The following OVOL1 variants were observed in gnomAD, a reference collection of about 807,000 sequenced individuals.
OVOL1 encodes ovo like transcriptional repressor 1.
OVOL1 carries 10 observed loss-of-function variants against 21.5 expected under a neutral mutation model. The observed-to-expected ratio is 0.46, with a 90% CI of 0.29 to 0.79. The LOEUF is 0.79. OVOL1 is among the 30% of genes least tolerant of loss of function. The probability of loss-of-function intolerance (pLI) is 0.10; values close to 1 mark genes in which losing one functional copy is unlikely to be tolerated. For synonymous variants in OVOL1, 129 were observed against 150.3 expected (o/e 0.86, Z 1.03); for missense variants, 279 against 362.3 (o/e 0.77, Z 1.87).
At chr11:65,788,555 A>T (rs1191208449) in intron 1 of OVOL1, 1 of 985,230 alleles carries the variant, frequency 1.0e-6, no homozygotes, top group African/African-American at 1.7e-5. Flanking sequence ...GCCTTGTAGG[A>T]AAGTGGGGAA....
chr11:65,788,357 C>T lies in OVOL1; in HGVS notation c.100+884C>T, dbSNP rs976144516. On this transcript the variant is annotated intron_variant, in intron 1 of 3. Coordinates refer to ENST00000335987, the MANE Select transcript of OVOL1 (RefSeq NM_004561.4). ...AGAACACTCCTACCCCTTCTGTCCT[C>T]CCCCACCCCCAACAAAGTCTTTGGT... 2.6e-4 allele frequency: 139 copies of T among 524,706 alleles called. 1 individual carries two copies. The highest frequency in any genetic ancestry group is 3.4e-4 in the Non-Finnish European group (139 of 408,396). The allele number at this position is 524,706 out of a possible 1,614,324, so 32.5% of individuals were successfully genotyped here. A position where few individuals can be genotyped will look rare whatever the true frequency, so the allele number is the denominator to read the frequency against.
At position 65,790,393 on chromosome 11, in the gene OVOL1, C is replaced by G. The variant is rs1857990873; in HGVS notation, c.100+2920C>G. ...GGCCACAGTCTGCTCTGCCACTCGC[C>G]TGGTGGACACTCGAGCTCAGGGAGG... On this transcript the variant is annotated intron_variant, in intron 1 of 3. Coordinates refer to ENST00000335987, the MANE Select transcript of OVOL1 (RefSeq NM_004561.4). 2.6e-5 allele frequency: 4 copies of G among 152,326 alleles called. No individual in the cohort carries two copies. In the South Asian group the frequency reaches 8.3e-4, roughly 32 times the overall value. The allele number at this position is 152,326 out of a possible 1,614,324, so 9.4% of individuals were successfully genotyped here. A position where few individuals can be genotyped will look rare whatever the true frequency, so the allele number is the denominator to read the frequency against.
chr11:65,793,190 C>T (rs368005370), intron 1 of OVOL1, among the ~76,000 whole-genome samples: 1 of 152,240 alleles, frequency 6.6e-6, no homozygotes, highest in South Asian at 2.1e-4. Flanking sequence ...CTGGTCCTCT[C>T]TAGTCAGCAC....
chr11:65,789,073 C>G, intron 1 of OVOL1: 1 of 985,330 alleles, frequency 1.0e-6, no homozygotes, highest in Non-Finnish European at 1.2e-6. Flanking sequence ...GAGCCCTGAG[C>G]CAGGCTCAGT....
rs1858117505 is a variant in OVOL1 at position 65,795,624 on chromosome 11, A to G, written c.*283A>G. The G allele has an allele frequency of 1.9e-6, 1 of 519,260 alleles. No individual in the cohort carries two copies. Among genetic ancestry groups the G allele is most frequent in the South Asian group, 2.4e-5 (1 of 42,444 alleles). The allele number at this position is 519,260 out of a possible 1,614,324, so 32.2% of individuals were successfully genotyped here. A position where few individuals can be genotyped will look rare whatever the true frequency, so the allele number is the denominator to read the frequency against. ...GATGAGGCCAAGGCTGCCTTCAATT[A>G]GAAGCAGCCGCCCACAGAGACAGGC... On this transcript the variant is annotated 3_prime_UTR_variant, in exon 4 of 4. Coordinates refer to ENST00000335987, the MANE Select transcript of OVOL1 (RefSeq NM_004561.4). The surrounding 1 kb of genome is among the most constrained non-coding windows in gnomAD (Gnocchi z 5.7).
In OVOL1 at chr11:65,796,731, T is replaced by TA. The variant is rs1326415377; in HGVS notation, c.*1393dup. The stretch of plus-strand genomic sequence containing the variant: ...GCAGCTGGGAAAGGGGTTCTGGGTG[T>TA]AAAGAGGTGTGCGTCTTGTGGGCCA... On this transcript the variant is annotated 3_prime_UTR_variant, in exon 4 of 4. Transcript: ENST00000335987. 1 of 152,154 alleles carries TA rather than the reference T, an allele frequency of 6.6e-6. No individual in the cohort carries two copies. Among genetic ancestry groups the TA allele is most frequent in the African/African-American group, 2.4e-5 (1 of 41,374 alleles). The allele number at this position is 152,154 out of a possible 1,614,324, so 9.4% of individuals were successfully genotyped here. A position where few individuals can be genotyped will look rare whatever the true frequency, so the allele number is the denominator to read the frequency against.
rs1188936513 is a variant in OVOL1 at position 65,787,245 on chromosome 11, TG to T, written c.-124del. 1.7e-5 allele frequency: 12 copies of T among 687,570 alleles called. No homozygotes were observed. Among genetic ancestry groups the T allele is most frequent in the Non-Finnish European group, 2.7e-5 (11 of 402,598 alleles). 42.6% of individuals were successfully genotyped at this position (687,570 alleles called of 1,614,324 possible). A position where few individuals can be genotyped will look rare whatever the true frequency, so the allele number is the denominator to read the frequency against. The stretch of plus-strand genomic sequence containing the variant: ...CCGGGCTCGGACCTTCCCCGGAACG[TG>T]GGGGCGCCTTAGCGACTCCTTCCCT... On this transcript the variant is annotated 5_prime_UTR_variant, in exon 1 of 4. Coordinates refer to ENST00000335987, the MANE Select transcript of OVOL1 (RefSeq NM_004561.4).
intron 1 of OVOL1, chr11:65,788,470 C>T: frequency 1.0e-6 from 1 of 984,780 alleles, no homozygotes; most frequent in Non-Finnish European, 1.2e-6. Context: ...CCCAGCCCCT[C>T]CGAGGGGGGA....
chr11:65,789,807 C>T, intron 1 of OVOL1: 1 of 624,534 alleles, frequency 1.6e-6, no homozygotes, highest in Non-Finnish European at 2.0e-6. Context: ...CAAAGCCTCC[C>T]AGAAGGTTTT....
In OVOL1 at chr11:65,794,024, T is replaced by C. The variant is rs1858075238; in HGVS notation, c.101-7T>C. On this transcript the variant is annotated splice_polypyrimidine_tract_variant and splice_region_variant and intron_variant, in intron 1 of 3. Transcript: ENST00000335987. ...CCAAGCCTCTCACCTGTCTGTTCTC[T>C]CCCCAGTCAGCCTGGGCTTCTGCCC... is the stretch of plus-strand genomic sequence containing the variant. 4 of 1,611,928 alleles carry C rather than the reference T, an allele frequency of 2.5e-6. No homozygotes were observed. The highest frequency in any genetic ancestry group is 2.5e-6 in the Non-Finnish European group (3 of 1,178,542).
At position 65,787,419 on chromosome 11, in the gene OVOL1, A is replaced by G. The variant is rs773734519; in HGVS notation, c.46A>G (p.Lys16Glu). The change falls in exon 1 of 4, where the codon AAG becomes GAG. Residue 16 changes from lysine (K) to glutamate (E), a missense_variant. By Grantham distance (56) the Lys-to-Glu change is moderately conservative (BLOSUM62 1). Transcript: ENST00000335987. ...LVKKPCVSTC[K>E]RNWSELPDEE... ...GAAGAAGCCGTGCGTCTCCACGTGC[A>G]AGAGGAACTGGAGCGAGCTCCCCGA... 1 of 1,597,420 alleles carries G rather than the reference A, an allele frequency of 6.3e-7. No homozygotes were observed. Among genetic ancestry groups the G allele is most frequent in the East Asian group, 2.3e-5 (1 of 43,698 alleles).
In OVOL1 at chr11:65,795,844, T is replaced by C. The variant is rs1858121291; in HGVS notation, c.*503T>C. The C allele has an allele frequency of 5.2e-6, 1 of 192,256 alleles. No homozygotes were observed. The highest frequency in any genetic ancestry group is 1.1e-5 in the Non-Finnish European group (1 of 91,044). 11.9% of individuals were successfully genotyped at this position (192,256 alleles called of 1,614,324 possible). A position where few individuals can be genotyped will look rare whatever the true frequency, so the allele number is the denominator to read the frequency against. On this transcript the variant is annotated 3_prime_UTR_variant, in exon 4 of 4. Transcript: ENST00000335987. This position sits in a 1 kb window ranked among gnomAD's most constrained non-coding sequence, Gnocchi z 5.7. ...ACCCCCCACCTGGCAGGGCTTCTAA[T>C]GCTCAGGGTTCTGGAGGGCTCTGTC... is the stretch of plus-strand genomic sequence containing the variant.
At position 65,787,221 on chromosome 11, in the gene OVOL1, C is replaced by A; in HGVS notation, c.-153C>A. 2 of 536,168 alleles carry A rather than the reference C, an allele frequency of 3.7e-6. No homozygotes were observed. The highest frequency in any genetic ancestry group is 6.8e-6 in the Non-Finnish European group (2 of 293,370). 33.2% of individuals were successfully genotyped at this position (536,168 alleles called of 1,614,324 possible). A position where few individuals can be genotyped will look rare whatever the true frequency, so the allele number is the denominator to read the frequency against. On this transcript the variant is annotated 5_prime_UTR_variant, in exon 1 of 4. Coordinates refer to ENST00000335987, the MANE Select transcript of OVOL1 (RefSeq NM_004561.4). ...GGAGGTGGAACCGCCGCGCGCCGTC[C>A]GGGCTCGGACCTTCCCCGGAACGTG...
chr11:65,795,726 A>C lies in OVOL1; in HGVS notation c.*385A>C. Reference sequence around the variant, plus strand: ...TCCCACTGCCCCCGCCTCTCAGCACAGGGCAGGGGCTGCAGGTCCCCAGTG... The same window carrying C: ...TCCCACTGCCCCCGCCTCTCAGCACCGGGCAGGGGCTGCAGGTCCCCAGTG... On this transcript the variant is annotated 3_prime_UTR_variant, in exon 4 of 4. Coordinates refer to ENST00000335987, the MANE Select transcript of OVOL1 (RefSeq NM_004561.4). This position sits in a 1 kb window ranked among gnomAD's most constrained non-coding sequence, Gnocchi z 5.7. 1 of 285,494 alleles carries C rather than the reference A, an allele frequency of 3.5e-6. No homozygotes were observed. 17.7% of individuals were successfully genotyped at this position (285,494 alleles called of 1,614,324 possible).
rs914469438 is a variant in OVOL1 at position 65,794,639 on chromosome 11, C to T, written c.420C>T (p.His140=). ...TGCTGAACCGCCACATGAAGTGTCA[C>T]AACGACGTCAAGAGGCACCTCTGCA... ...QRMLNRHMKC[H]NDVKRHLCTY... is the part of the protein sequence containing the mutation. Residue 140 remains histidine (H), a synonymous_variant, in exon 3 of 4, where the codon CAC becomes CAT. Transcript: ENST00000335987. 8 of 1,613,802 alleles carry T rather than the reference C, an allele frequency of 5.0e-6. No individual in the cohort carries two copies. The highest frequency in any genetic ancestry group is 6.8e-6 in the Non-Finnish European group (8 of 1,180,020).
At position 65,795,094 on chromosome 11, in the gene OVOL1, G is replaced by A. The variant is rs899307004; in HGVS notation, c.557G>A (p.Arg186His). The change falls in exon 4 of 4, where the codon CGC (arginine) becomes CAC (histidine). Residue 186 changes from arginine to histidine, a missense_variant. By Grantham distance (29) the Arg-to-His change is conservative. Transcript: ENST00000335987. The surrounding 1 kb of genome is among the most constrained non-coding windows in gnomAD (Gnocchi z 5.7). ...CSLCDKAFTQ[R>H]CSLESHLKKI... is the part of the protein sequence containing the mutation. ...CTGTGTGACAAGGCCTTCACGCAGC[G>A]CTGCTCTCTGGAGTCTCACCTCAAG... 6.2e-7 allele frequency: 1 copy of A among 1,613,624 alleles called. No homozygotes were observed. The highest frequency in any genetic ancestry group is 8.5e-7 in the Non-Finnish European group (1 of 1,180,012).
chr11:65,794,182 T>G lies in OVOL1; in HGVS notation c.252T>G (p.Ser84=). The G allele has an allele frequency of 6.2e-7, 1 of 1,613,680 alleles. No individual in the cohort carries two copies. The part of the protein sequence containing the change: ...PGPCVVAQLP[S]EDMGHLTDPQ... The stretch of plus-strand genomic sequence containing the variant: ...CCTGTGTGGTGGCCCAGCTGCCCTC[T>G]GAAGACATGGGCCACTTGACAGACC... The change falls in exon 2 of 4, where the codon TCT becomes TCG. Residue 84 remains serine, a synonymous_variant. Coordinates refer to ENST00000335987, the MANE Select transcript of OVOL1 (RefSeq NM_004561.4).
Position 65,794,651 on chromosome 11 carries a change from G to A in OVOL1, c.432G>A (p.Lys144=). 6.2e-7 allele frequency: 1 copy of A among 1,613,800 alleles called. No individual in the cohort carries two copies. The change falls in exon 3 of 4, where the codon AAG becomes AAA. Residue 144 remains lysine, a synonymous_variant. Transcript: ENST00000335987. ...NRHMKCHNDV[K]RHLCTYCGKG... ...ACATGAAGTGTCACAACGACGTCAA[G>A]AGGCACCTCTGCACGTACTGCGGGA... is the stretch of plus-strand genomic sequence containing the variant.
chr11:65,788,289 G>C (rs1198696576), intron 1 of OVOL1, among the ~76,000 whole-genome samples: 2 of 152,200 alleles, frequency 1.3e-5, no homozygotes, highest in African/African-American at 2.4e-5. Flanking sequence ...TCGACTGTGA[G>C]AGTTGCTTCT....
Sources: allele counts gnomAD v4.1 joint callset (sites outside exome capture counted in the v4.1 genomes callset), GRCh38; gene constraint gnomAD v4.1.1; non-coding constraint Gnocchi (gnomAD v3.1); transcripts MANE v1.5; gene names NCBI Gene and HGNC (gene_info 2026-07-23, HGNC 2026-07-21).